The following CSNK2A1 variants were observed in gnomAD, a reference collection of about 807,000 sequenced individuals.
The protein encoded by CSNK2A1 is casein kinase 2 alpha 1, also known as casein kinase II subunit alpha.
CSNK2A1 carries 10 observed loss-of-function variants against 62.9 expected under a neutral mutation model. That is an observed-to-expected ratio of 0.16 (90% confidence interval 0.10 to 0.27). The LOEUF (loss-of-function observed/expected upper bound fraction) is 0.27, where lower values mean the gene tolerates loss of function less well. CSNK2A1 is among the 10% of genes least tolerant of loss of function. CSNK2A1 has a pLI of 1.00. For synonymous variants in CSNK2A1, 124 were observed against 167.8 expected (o/e 0.74, Z 2.02); for missense variants, 160 against 492.0 (o/e 0.33, Z 6.38).
In CSNK2A1 at chr20:499,791, A is replaced by T. The variant is rs368259392; in HGVS notation, c.315+42T>A. 6.3e-7 allele frequency: 1 copy of T among 1,590,760 alleles called. No homozygotes were observed. The highest frequency in any genetic ancestry group is 8.6e-7 in the Non-Finnish European group (1 of 1,161,010). ...CCAGTTGTGCTCCAGGTCAAACACC[A>T]TCTCAGCTCTGGCGGGCCTTGCTAA... On this transcript the variant is annotated intron_variant, in intron 5 of 13. Transcript: ENST00000217244. This position sits in a 1 kb window ranked among gnomAD's most constrained non-coding sequence, Gnocchi z 4.2.
chr20:519,522 T>C (rs993382800), intron 2 of CSNK2A1, among the ~76,000 whole-genome samples: 4 of 152,180 alleles, frequency 2.6e-5, no homozygotes, highest in Non-Finnish European at 5.9e-5. Context: ...GAGGCCAGCC[T>C]GGGCAAAACA....
chr20:482,877 G>A lies in CSNK2A1; in HGVS notation c.*1084C>T, dbSNP rs1032801229. 1 of 152,604 alleles carries A rather than the reference G, an allele frequency of 6.6e-6. No individual in the cohort carries two copies. The highest frequency in any genetic ancestry group is 1.5e-5 in the Non-Finnish European group (1 of 68,030). The allele number at this position is 152,604 out of a possible 1,614,324, so 9.5% of individuals were successfully genotyped here. ...CAGCTTCAATGGAGATAGTGGCTCT[G>A]CTCCTACCTCTCAAGATACATTTAC... On this transcript the variant is annotated 3_prime_UTR_variant, in exon 14 of 14. Transcript: ENST00000217244.
intron 2 of CSNK2A1, among the ~76,000 whole-genome samples, chr20:509,737 A>G (rs893997642): frequency 6.6e-6 from 1 of 152,052 alleles, no homozygotes; most frequent in Non-Finnish European, 1.5e-5. Context: ...CACCACCCTC[A>G]GCTAATTTTC....
At chr20:489,618 G>A in intron 10 of CSNK2A1, 162 bp downstream of exon 10, 1 of 473,752 alleles carries the variant, frequency 2.1e-6, no homozygotes, top group Non-Finnish European at 3.7e-6. Context: ...AAGACTAGGG[G>A]GGAATGTCTG....
chr20:490,335 C>CTTTTTTCTT (rs1555762287), intron 9 of CSNK2A1, among the ~76,000 whole-genome samples: 2 of 84,804 alleles, frequency 2.4e-5, no homozygotes, highest in Non-Finnish European at 4.3e-5. Context: ...CTAGTTTTTT[C>CTTTTTTCTT]TTTTTTTTTT....
chr20:486,197 C>G (rs1003744809), intron 13 of CSNK2A1, among the ~76,000 whole-genome samples, 179 bp downstream of exon 13: 1 of 151,874 alleles, frequency 6.6e-6, no homozygotes, highest in Non-Finnish European at 1.5e-5. Flanking sequence ...AAGGGGATAC[C>G]CTACTCAAGA....
chr20:511,874 G>C (rs1215700670), intron 2 of CSNK2A1, among the ~76,000 whole-genome samples: 1 of 152,150 alleles, frequency 6.6e-6, no homozygotes, highest in Non-Finnish European at 1.5e-5. Flanking sequence ...TATATATCCA[G>C]AAGTGGAACT....
intron 1 of CSNK2A1, chr20:541,103 G>A (rs1361300184): frequency 6.6e-6 from 1 of 152,158 alleles, no homozygotes; most frequent in Non-Finnish European, 1.5e-5. Flanking sequence ...GTCCTCTCTA[G>A]CAAAGGCAAA....
intron 1 of CSNK2A1, among the ~76,000 whole-genome samples, chr20:529,132 C>A (rs2019157996): frequency 6.6e-6 from 1 of 152,128 alleles, no homozygotes; most frequent in Admixed American, 6.5e-5. Flanking sequence ...CAGCCTCTAC[C>A]TCCCATCTCA....
chr20:534,111 G>A (rs1297071948), intron 1 of CSNK2A1, among the ~76,000 whole-genome samples: 2 of 152,262 alleles, frequency 1.3e-5, no homozygotes, highest in East Asian at 3.9e-4. Context: ...TTACAAACCA[G>A]GCACAGTATC....
intron 4 of CSNK2A1, chr20:502,648 G>GA (rs1375232709): frequency 6.6e-6 from 1 of 152,126 alleles, no homozygotes; most frequent in Non-Finnish European, 1.5e-5. Context: ...AGACTGAGCT[G>GA]AAAAAAATCT....
chr20:489,614 A>C (rs2018174283), intron 10 of CSNK2A1, 166 bp downstream of exon 10: 1 of 473,362 alleles, frequency 2.1e-6, no homozygotes, highest in Non-Finnish European at 3.7e-6. Context: ...GACAAAGACT[A>C]GGGGGGAATG....
At chr20:506,184 A>G (rs971487489) in intron 3 of CSNK2A1, 2 of 152,182 alleles carry the variant, frequency 1.3e-5, no homozygotes, top group African/African-American at 4.8e-5. Context: ...CCGGAGAATA[A>G]TTTTTATATA....
At chr20:524,134 T>TA (rs2019014275) in intron 2 of CSNK2A1, among the ~76,000 whole-genome samples, 2 of 151,766 alleles carry the variant, frequency 1.3e-5, no homozygotes, top group African/African-American at 4.8e-5. Context: ...CTAAAAGAGA[T>TA]ACATCTAGGC....
At chr20:537,306 T>C (rs1263644493) in intron 1 of CSNK2A1, among the ~76,000 whole-genome samples, 1 of 152,170 alleles carries the variant, frequency 6.6e-6, no homozygotes, top group Non-Finnish European at 1.5e-5. Context: ...CAAGAAAACA[T>C]TATCACCACG....
intron 1 of CSNK2A1, among the ~76,000 whole-genome samples, chr20:534,595 A>G (rs985814325): frequency 1.3e-5 from 2 of 152,192 alleles, no homozygotes; most frequent in Admixed American, 6.5e-5. Context: ...TTGAATATGT[A>G]TGAAGGTCAA....
At chr20:490,411 C>CTT (rs369596623) in intron 9 of CSNK2A1, among the ~76,000 whole-genome samples, 9 of 84,492 alleles carry the variant, frequency 1.1e-4, no homozygotes, top group East Asian at 3.7e-4. Flanking sequence ...ACAATTTTTA[C>CTT]TTTTTTTTTT....
chr20:516,719 C>T (rs1044897661), intron 2 of CSNK2A1, among the ~76,000 whole-genome samples: 6 of 152,170 alleles, frequency 3.9e-5, no homozygotes, highest in Non-Finnish European at 8.8e-5. Context: ...TTAGTCATTT[C>T]TGCTAATGTA....
chr20:504,198 T>TA (rs1276029845), intron 4 of CSNK2A1: 4 of 151,710 alleles, frequency 2.6e-5, no homozygotes, highest in South Asian at 2.1e-4. Context: ...ACAAAAACAA[T>TA]AAAAAAAACA....
Sources: gnomAD v4.1 joint callset for allele counts (sites outside exome capture counted in the v4.1 genomes callset) on GRCh38, gnomAD v4.1.1 for gene constraint, Gnocchi (gnomAD v3.1) non-coding constraint, MANE v1.5 for transcripts, NCBI Gene and HGNC (gene_info 2026-07-23, HGNC 2026-07-21) for gene names.